RAPGEF6: variants seen among roughly 807,000 people sequenced by gnomAD.
RAPGEF6 encodes the protein Rap guanine nucleotide exchange factor 6, also known as PDZ domain containing guanine nucleotide exchange factor (GEF) 2.
A neutral mutation model predicts 171.4 loss-of-function variants in RAPGEF6; 56 were observed. The ratio of observed to expected loss-of-function variants is 0.33; its 90% CI spans 0.26 to 0.41. The LOEUF is 0.41. RAPGEF6 is among the 10% of genes least tolerant of loss of function. The probability of loss-of-function intolerance (pLI) is 1.00; values close to 1 mark genes in which losing one functional copy is unlikely to be tolerated. For missense variants in RAPGEF6, 1,674 were observed against 1,921.4 expected (o/e 0.87, Z 2.41); for synonymous variants, 692 against 650.1 (o/e 1.06, Z -0.98).
chr5:131,548,506 TC>T (rs1334832316), intron 5 of RAPGEF6, among the ~76,000 whole-genome samples: 1 of 152,224 alleles, frequency 6.6e-6, no homozygotes, highest in Middle Eastern at 3.2e-3. Flanking sequence ...CAACTTGAGT[TC>T]CTCTAATTAC....
At chr5:131,530,797 T>C (rs1303079052) in intron 6 of RAPGEF6, among the ~76,000 whole-genome samples, 1 of 152,268 alleles carries the variant, frequency 6.6e-6, no homozygotes, top group Non-Finnish European at 1.5e-5. Context: ...TATTTTATTT[T>C]GCTGGTTACC....
At chr5:131,563,582 T>C (rs1561565431) in intron 4 of RAPGEF6, among the ~76,000 whole-genome samples, 1 of 152,184 alleles carries the variant, frequency 6.6e-6, no homozygotes, top group Non-Finnish European at 1.5e-5. Context: ...CGGCTCACTG[T>C]AGCCTCGACA....
At chr5:131,427,804 C>A (rs1421374720) in intron 27 of RAPGEF6, among the ~76,000 whole-genome samples, 1 of 152,158 alleles carries the variant, frequency 6.6e-6, no homozygotes, top group Non-Finnish European at 1.5e-5. Flanking sequence ...TTGCCCATTT[C>A]ATTTAAAAAA....
At chr5:131,579,393 T>G (rs1561578486) in intron 4 of RAPGEF6, among the ~76,000 whole-genome samples, 1 of 152,256 alleles carries the variant, frequency 6.6e-6, no homozygotes, top group South Asian at 2.1e-4. Flanking sequence ...CCTGCTTTTA[T>G]TCCCTTATCT....
chr5:131,565,104 G>C (rs1761851246), intron 4 of RAPGEF6, among the ~76,000 whole-genome samples: 1 of 151,966 alleles, frequency 6.6e-6, no homozygotes, highest in East Asian at 1.9e-4. Flanking sequence ...TGAGTTCCTA[G>C]AACTACTGTT....
chr5:131,461,718 A>C lies in RAPGEF6; in HGVS notation c.2851T>G (p.Phe951Val). The C allele has an allele frequency of 6.3e-7, 1 of 1,597,296 alleles. No homozygotes were observed. Among genetic ancestry groups the C allele is most frequent in the South Asian group, 1.1e-5 (1 of 90,510 alleles). ...GTACCAACTTACCTTATTATTGCAA[A>C]CATGGAATTGAAGTTCTTACATTCT... is the stretch of plus-strand genomic sequence containing the variant. ...CRECKNFNSM[F>V]AIISGLNLAS... The change falls in exon 19 of 28, where the codon TTT becomes GTT. Residue 951 changes from phenylalanine (F) to valine (V), a missense_variant. By Grantham distance (50) the Phe-to-Val change is conservative (BLOSUM62 -1). This residue lies in a region of RAPGEF6 where 1,116 missense variants were observed against 1,321.5 expected (regional missense o/e 0.84). Transcript: ENST00000509018.
chr5:131,572,541 A>G (rs779159654), intron 4 of RAPGEF6, among the ~76,000 whole-genome samples: 5 of 152,112 alleles, frequency 3.3e-5, no homozygotes, highest in Non-Finnish European at 7.4e-5. Context: ...TCATTCACCC[A>G]CATTCCCTTG....
intron 15 of RAPGEF6, among the ~76,000 whole-genome samples, chr5:131,480,137 A>G (rs142797228): frequency 4.9e-4 from 75 of 152,362 alleles, no homozygotes; most frequent in African/African-American, 1.8e-3. Flanking sequence ...TATTTCTTAT[A>G]ATACAGCTGA....
intron 1 of RAPGEF6, among the ~76,000 whole-genome samples, chr5:131,611,902 T>C (rs1362863412): frequency 6.6e-6 from 1 of 152,186 alleles, no homozygotes; most frequent in African/African-American, 2.4e-5. Flanking sequence ...TTTCATGCCT[T>C]ATTATGTAAC....
intron 6 of RAPGEF6, among the ~76,000 whole-genome samples, chr5:131,546,208 A>T (rs1358795437): frequency 6.6e-6 from 1 of 152,230 alleles, no homozygotes; most frequent in Non-Finnish European, 1.5e-5. Context: ...AAAACTAAAT[A>T]TTACAGTTAA....
At chr5:131,543,775 A>T (rs1760317759) in intron 6 of RAPGEF6, among the ~76,000 whole-genome samples, 1 of 152,166 alleles carries the variant, frequency 6.6e-6, no homozygotes. Flanking sequence ...CCTGCTCACT[A>T]AATATTGCTC....
In RAPGEF6 at chr5:131,517,688, T is replaced by G. The variant is rs1341485853; in HGVS notation, c.627+3702A>C. ...TCCAAAAGGGAATCTAAAGGCAGCCTAAGGTGAAAGGAAAGATCAAGGGTC... is the reference window on the plus strand; with the variant it reads ...TCCAAAAGGGAATCTAAAGGCAGCCGAAGGTGAAAGGAAAGATCAAGGGTC... On this transcript the variant is annotated intron_variant, in intron 7 of 27. Transcript: ENST00000509018. Among the ~76,000 whole-genome samples the G allele has an allele frequency of 2.0e-5, 3 of 149,570 alleles. No individual in the cohort carries two copies. The East Asian group carries it at 5.8e-4, about 29-fold the overall frequency.
At chr5:131,581,867 C>G (rs1327482201) in intron 4 of RAPGEF6, among the ~76,000 whole-genome samples, 1 of 151,936 alleles carries the variant, frequency 6.6e-6, no homozygotes, top group Non-Finnish European at 1.5e-5. Flanking sequence ...TCCTCCCCAC[C>G]AACCCTTGTG....
intron 9 of RAPGEF6, 99 bp from the exon 10 acceptor site, chr5:131,505,621 A>C: frequency 9.6e-7 from 1 of 1,042,734 alleles, no homozygotes; most frequent in East Asian, 2.6e-5. Context: ...TTGAATAAAA[A>C]GGAAAAAGGA....
At chr5:131,435,735 TAGGAAA>T in intron 24 of RAPGEF6, 1 of 905,458 alleles carries the variant, frequency 1.1e-6, no homozygotes, top group Non-Finnish European at 1.5e-6. Context: ...CAGCTAACAG[TAGGAAA>T]TAAAGTCAAC....
At chr5:131,528,313 T>TATTATATA (rs1251388931) in intron 6 of RAPGEF6, among the ~76,000 whole-genome samples, 596 of 48,780 alleles carry the variant, frequency 0.012, 47 homozygotes, top group African/African-American at 0.041. Context: ...TATATTTATA[T>TATTATATA]TATATATATA....
At chr5:131,442,958 T>G (rs1298218320) in intron 22 of RAPGEF6, among the ~76,000 whole-genome samples, 4 of 151,396 alleles carry the variant, frequency 2.6e-5, no homozygotes, top group South Asian at 4.2e-4. Context: ...TGGCTTTTTT[T>G]TTTGTTTTTT....
rs761846695 is a variant in RAPGEF6, at chr5:131,495,579, C to T, written c.1501G>A (p.Glu501Lys). ...GDPAMTRFLE[E>K]FEKNLEDTKM... ...GTATCTTCCAGATTTTTTTCAAATT[C>T]CTCTAGAAATCGAGTCATAGCAGGG... The change falls in exon 13 of 28, where the codon GAA becomes AAA. Residue 501 changes from glutamate (E) to lysine (K), a missense_variant. This residue lies in a region of RAPGEF6 where 1,116 missense variants were observed against 1,321.5 expected (regional missense o/e 0.84). Transcript: ENST00000509018. 2 of 1,612,838 alleles carry T rather than the reference C, an allele frequency of 1.2e-6. No individual in the cohort carries two copies. Among genetic ancestry groups the T allele is most frequent in the African/African-American group, 2.7e-5 (2 of 74,892 alleles).
chr5:131,573,759 G>A (rs1414859611), intron 4 of RAPGEF6, among the ~76,000 whole-genome samples: 1 of 152,048 alleles, frequency 6.6e-6, no homozygotes, highest in Non-Finnish European at 1.5e-5. Flanking sequence ...ACTACCCACG[G>A]TAAAGATGAA....
Sources: allele counts gnomAD v4.1 joint callset (sites outside exome capture counted in the v4.1 genomes callset), GRCh38; gene constraint gnomAD v4.1.1; regional missense constraint gnomAD v4.1.1; transcripts MANE v1.5; gene names NCBI Gene and HGNC (gene_info 2026-07-23, HGNC 2026-07-21).